The following FCHO2 variants were observed in gnomAD, a reference collection of about 807,000 sequenced individuals.
The protein encoded by FCHO2 is FCH and mu domain containing endocytic adaptor 2.
A neutral mutation model predicts 114.1 loss-of-function variants in FCHO2; 43 were observed. The ratio of observed to expected loss-of-function variants is 0.38; its 90% confidence interval spans 0.30 to 0.49. The LOEUF (loss-of-function observed/expected upper bound fraction) is 0.49, where lower values mean the gene tolerates loss of function less well. Ranked by LOEUF, FCHO2 falls within the 20% of genes least tolerant of loss-of-function variation. FCHO2 has a pLI of 0.97. For missense variants in FCHO2, 807 were observed against 950.4 expected, an observed-to-expected ratio of 0.85 and a Z score of 1.98; for synonymous variants, 293 against 315.2, an observed-to-expected ratio of 0.93 and a Z score of 0.75.
chr5:73,079,700 G>A (rs1007712228), intron 22 of FCHO2, among the ~76,000 whole-genome samples: 2 of 152,172 alleles, frequency 1.3e-5, no homozygotes, highest in Non-Finnish European at 2.9e-5. Context: ...CTTATACGAG[G>A]ATTCTTTTTA....
At chr5:72,964,594 GC>G (rs1206351154) in intron 1 of FCHO2, among the ~76,000 whole-genome samples, 1 of 152,052 alleles carries the variant, frequency 6.6e-6, no homozygotes, top group Non-Finnish European at 1.5e-5. Flanking sequence ...CACCATGTTG[GC>G]CAGGCTGGTC....
chr5:72,987,431 G>A lies in FCHO2; in HGVS notation c.126-1996G>A, dbSNP rs1363600916. On this transcript the variant is annotated intron_variant, in intron 2 of 25. Transcript: ENST00000430046. The stretch of plus-strand genomic sequence containing the variant: ...TGGCTCACTGCAGCCTCCGCCTCCC[G>A]GATTCAAGCGATTCTCCTGCCTCAG... Among the ~76,000 whole-genome samples the A allele has an allele frequency of 3.9e-5, 6 of 152,060 alleles. 1 individual carries two copies. The highest frequency in any genetic ancestry group is 4.2e-4 in the South Asian group (2 of 4,810).
At chr5:72,981,832 A>G (rs1241974719) in intron 2 of FCHO2, among the ~76,000 whole-genome samples, 1 of 152,242 alleles carries the variant, frequency 6.6e-6, no homozygotes, top group East Asian at 1.9e-4. Flanking sequence ...TGGTTATTCT[A>G]GTTAGCAATT....
intron 11 of FCHO2, among the ~76,000 whole-genome samples, chr5:73,042,087 C>T (rs1165055419): frequency 6.6e-6 from 1 of 152,026 alleles, no homozygotes; most frequent in Non-Finnish European, 1.5e-5. Flanking sequence ...TTTTGTGAAA[C>T]ACTGTGTTTT....
chr5:73,061,357 T>C (rs1016248205), intron 17 of FCHO2, among the ~76,000 whole-genome samples: 2 of 152,152 alleles, frequency 1.3e-5, no homozygotes, highest in Non-Finnish European at 2.9e-5. Context: ...TTCTTCCGTG[T>C]ATTGTTATTA....
At chr5:73,085,844 G>T (rs1270183695) in intron 24 of FCHO2, among the ~76,000 whole-genome samples, 1 of 151,210 alleles carries the variant, frequency 6.6e-6, no homozygotes, top group Non-Finnish European at 1.5e-5. Context: ...TGTAAAATAG[G>T]CTGGGCACGG....
intron 5 of FCHO2, among the ~76,000 whole-genome samples, chr5:72,992,002 G>C (rs1478191114): frequency 6.6e-6 from 1 of 152,164 alleles, no homozygotes; most frequent in Non-Finnish European, 1.5e-5. Flanking sequence ...AATTAAATAA[G>C]AGGGGCTGTT....
At chr5:73,042,555 A>G (rs1756854405) in intron 11 of FCHO2, among the ~76,000 whole-genome samples, 1 of 152,216 alleles carries the variant, frequency 6.6e-6, no homozygotes. Context: ...TCCAGAATAC[A>G]AAAGAATACA....
intron 1 of FCHO2, among the ~76,000 whole-genome samples, chr5:72,956,588 A>T (rs1459688127): frequency 6.6e-6 from 1 of 152,084 alleles, no homozygotes; most frequent in Non-Finnish European, 1.5e-5. Context: ...CATCTGAGCG[A>T]TCCCTTTTAC....
intron 1 of FCHO2, among the ~76,000 whole-genome samples, chr5:72,961,351 C>T (rs771097542): frequency 3.3e-5 from 5 of 151,948 alleles, no homozygotes; most frequent in Non-Finnish European, 7.4e-5. Context: ...ATTTGAAACC[C>T]AGAATAAAGG....
At chr5:72,977,732 T>C (rs1453520837) in intron 2 of FCHO2, among the ~76,000 whole-genome samples, 1 of 152,234 alleles carries the variant, frequency 6.6e-6, no homozygotes, top group African/African-American at 2.4e-5. Flanking sequence ...GGTTTTCTTC[T>C]AGGGTTTTTA....
chr5:73,066,326 A>G (rs1469292052), intron 18 of FCHO2, among the ~76,000 whole-genome samples: 3 of 151,988 alleles, frequency 2.0e-5, no homozygotes. Flanking sequence ...CGTTGTCAGA[A>G]TTAAATTTCT....
intron 21 of FCHO2, 138 bp downstream of exon 21, chr5:73,077,631 AC>A (rs1335915969): frequency 1.1e-6 from 1 of 947,426 alleles, no homozygotes; most frequent in Non-Finnish European, 1.5e-6. Context: ...GTTGTTCAAA[AC>A]CAGCCTGAGC....
intron 2 of FCHO2, among the ~76,000 whole-genome samples, chr5:72,971,450 A>G (rs1318821986): frequency 6.6e-6 from 1 of 152,252 alleles, no homozygotes; most frequent in Non-Finnish European, 1.5e-5. Flanking sequence ...TCTGATGGCC[A>G]GCGATGGTGA....
intron 11 of FCHO2, among the ~76,000 whole-genome samples, chr5:73,046,871 C>A (rs1465670080): frequency 6.6e-6 from 1 of 152,096 alleles, no homozygotes; most frequent in Non-Finnish European, 1.5e-5. Flanking sequence ...TTTATTTAGT[C>A]TGGAAGTGAT....
At chr5:72,999,258 C>T (rs1754295149) in intron 5 of FCHO2, among the ~76,000 whole-genome samples, 1 of 151,112 alleles carries the variant, frequency 6.6e-6, no homozygotes, top group Admixed American at 6.6e-5. Context: ...TTTTTATTAA[C>T]AAGAATGTAG....
At chr5:73,087,832 A>G in intron 25 of FCHO2, 79 bp downstream of exon 25, 1 of 1,506,286 alleles carries the variant, frequency 6.6e-7, no homozygotes, top group South Asian at 1.4e-5. Context: ...ACTGTCAAGC[A>G]ATTTATAATC....
Position 73,052,560 on chromosome 5 carries a change from C to T in FCHO2, c.1173+53C>T, listed in dbSNP as rs1399645474. On this transcript the variant is annotated intron_variant, in intron 13 of 25. Coordinates refer to ENST00000430046, the MANE Select transcript of FCHO2 (RefSeq NM_138782.3). ...ATATAAAAGTCTTTATTTTTCTTAC[C>T]TACCTGTGTCTGGTCAAACATTACT... is the stretch of plus-strand genomic sequence containing the variant. 6 of 1,381,826 alleles carry T rather than the reference C, an allele frequency of 4.3e-6. No individual in the cohort carries two copies. The African/African-American group carries it at 8.9e-5, about 21-fold the overall frequency. 85.6% of individuals were successfully genotyped at this position (1,381,826 alleles called of 1,614,324 possible). A position where few individuals can be genotyped will look rare whatever the true frequency, so the allele number is the denominator to read the frequency against.
rs546667740 is a variant in FCHO2 at position 73,066,490 on chromosome 5, G to A, written c.1450-2160G>A. Reference sequence around the variant, plus strand: ...AACTAAACTGTATGTACATTTTTAAGACTCTTGATGATTATTTCTGTATCA... The same window carrying A: ...AACTAAACTGTATGTACATTTTTAAAACTCTTGATGATTATTTCTGTATCA... On this transcript the variant is annotated intron_variant, in intron 18 of 25. Coordinates refer to ENST00000430046, the MANE Select transcript of FCHO2 (RefSeq NM_138782.3). Among the ~76,000 whole-genome samples, 37 of 150,974 alleles carry A rather than the reference G, an allele frequency of 2.5e-4. No individual in the cohort carries two copies. The South Asian group carries it at 7.5e-3, about 31-fold the overall frequency.
Sources: gnomAD v4.1 joint callset for allele counts (sites outside exome capture counted in the v4.1 genomes callset) on GRCh38, gnomAD v4.1.1 for gene constraint, MANE v1.5 for transcripts, NCBI Gene and HGNC (gene_info 2026-07-23, HGNC 2026-07-21) for gene names.